Variants in ROBO2 observed in about 807,000 individuals in gnomAD.
The protein encoded by ROBO2 is roundabout guidance receptor 2.
In ROBO2, 53 loss-of-function variants were observed where a neutral mutation model predicts 160.8. That is an observed-to-expected ratio of 0.33 (90% confidence interval 0.26 to 0.41). ROBO2 has a LOEUF of 0.41. Ranked by LOEUF, ROBO2 falls within the 10% of genes least tolerant of loss-of-function variation. The probability of loss-of-function intolerance (pLI) is 1.00; values close to 1 mark genes in which losing one functional copy is unlikely to be tolerated. For missense variants in ROBO2, 1,577 were observed against 1,722.4 expected, an observed-to-expected ratio of 0.92 and a Z score of 1.49; for synonymous variants, 664 against 611.7, an observed-to-expected ratio of 1.09 and a Z score of -1.26.
chr3:77,454,124 T>G (rs557601134), intron 2 of ROBO2, among the ~76,000 whole-genome samples: 4 of 151,970 alleles, frequency 2.6e-5, no homozygotes, highest in African/African-American at 9.6e-5. Context: ...TCTGGGCTTT[T>G]TTTTTTTTTT....
intron 2 of ROBO2, among the ~76,000 whole-genome samples, chr3:76,849,030 A>G (rs9821072): frequency 0.028 from 4,277 of 152,282 alleles, 155 homozygotes; most frequent in East Asian, 0.12. Flanking sequence ...ACATCAAATA[A>G]CATTTTTGCC....
intron 2 of ROBO2, among the ~76,000 whole-genome samples, chr3:76,923,297 A>T (rs1219855498): frequency 1.3e-5 from 2 of 152,224 alleles, no homozygotes; most frequent in Non-Finnish European, 2.9e-5. Flanking sequence ...AACAGAAGAT[A>T]ATGTTCCCTC....
intron 2 of ROBO2, among the ~76,000 whole-genome samples, chr3:76,723,851 A>G (rs1183201953): frequency 6.6e-6 from 1 of 152,188 alleles, no homozygotes; most frequent in Non-Finnish European, 1.5e-5. Context: ...CATCTGGGTT[A>G]AGGGGGCAAA....
intron 2 of ROBO2, among the ~76,000 whole-genome samples, chr3:77,368,178 T>C (rs2071201085): frequency 6.6e-6 from 1 of 152,184 alleles, no homozygotes. Context: ...CTTGATTCTT[T>C]ATGCTTTGTC....
At chr3:76,606,945 T>C (rs968034378) in intron 2 of ROBO2, among the ~76,000 whole-genome samples, 1 of 152,240 alleles carries the variant, frequency 6.6e-6, no homozygotes, top group African/African-American at 2.4e-5. Context: ...TGATTTTACA[T>C]ATGAAGCTAA....
chr3:76,805,288 C>T (rs2064590290), intron 2 of ROBO2, among the ~76,000 whole-genome samples: 1 of 152,000 alleles, frequency 6.6e-6, no homozygotes, highest in Non-Finnish European at 1.5e-5. Context: ...TTTCCAAGTG[C>T]AAGTTCCACT....
At chr3:76,449,948 A>G (rs1266932214) in intron 2 of ROBO2, among the ~76,000 whole-genome samples, 1 of 152,184 alleles carries the variant, frequency 6.6e-6, no homozygotes, top group Non-Finnish European at 1.5e-5. Flanking sequence ...TAAAGAAGCA[A>G]TAAACAGCTT....
chr3:76,178,613 C>A (rs2073313428), intron 2 of ROBO2, among the ~76,000 whole-genome samples: 1 of 152,100 alleles, frequency 6.6e-6, no homozygotes, highest in Non-Finnish European at 1.5e-5. Flanking sequence ...TGTGGCACAG[C>A]CTTCTAAGTA....
At chr3:76,291,159 A>T (rs1447691989) in intron 2 of ROBO2, among the ~76,000 whole-genome samples, 1 of 152,056 alleles carries the variant, frequency 6.6e-6, no homozygotes, top group Non-Finnish European at 1.5e-5. Context: ...CTGGCTGTGA[A>T]TTCATGTAGT....
At chr3:76,213,718 A>C (rs1008280861) in intron 2 of ROBO2, among the ~76,000 whole-genome samples, 3 of 152,188 alleles carry the variant, frequency 2.0e-5, no homozygotes, top group Non-Finnish European at 4.4e-5. Context: ...AAAGTCAAAA[A>C]ACTTTTAGAC....
At chr3:77,386,951 G>A (rs1448014222) in intron 2 of ROBO2, among the ~76,000 whole-genome samples, 8 of 151,948 alleles carry the variant, frequency 5.3e-5, no homozygotes, top group Non-Finnish European at 8.8e-5. Flanking sequence ...GGAAAAGCTT[G>A]AAGGTCAGAG....
At chr3:76,074,294 T>C (rs907325601) in intron 2 of ROBO2, among the ~76,000 whole-genome samples, 4 of 152,198 alleles carry the variant, frequency 2.6e-5, no homozygotes, top group Non-Finnish European at 5.9e-5. Context: ...TAGGAGAAGC[T>C]ACACCCAGTC....
At chr3:76,724,259 G>A (rs1184467882) in intron 2 of ROBO2, among the ~76,000 whole-genome samples, 2 of 152,024 alleles carry the variant, frequency 1.3e-5, no homozygotes, top group Admixed American at 1.3e-4. Flanking sequence ...GACCCCCTTA[G>A]GCCAAGATCA....
chr3:77,564,369 C>T (rs1330832105), intron 11 of ROBO2: 1 of 430,542 alleles, frequency 2.3e-6, no homozygotes, highest in Non-Finnish European at 4.6e-6. Flanking sequence ...TGAGAAATCA[C>T]AATACTGTAT....
At chr3:76,224,238 G>A (rs1460407454) in intron 2 of ROBO2, among the ~76,000 whole-genome samples, 2 of 152,198 alleles carry the variant, frequency 1.3e-5, no homozygotes, top group South Asian at 4.1e-4. Context: ...TATAACATCT[G>A]CAAGGTGGAG....
chr3:76,297,469 C>T (rs1709131389), intron 2 of ROBO2, among the ~76,000 whole-genome samples: 1 of 151,988 alleles, frequency 6.6e-6, no homozygotes, highest in South Asian at 2.1e-4. Flanking sequence ...TGTAGAAATT[C>T]CTCATTGTAT....
rs528472228 is a variant in ROBO2, at chr3:77,448,314, T to C, written c.389-29100T>C. ...TAGCCCAGCTGCCCAGCTATATAGC[T>C]GCCCCAGTGACCACAAACAGCACCA... On this transcript the variant is annotated intron_variant, in intron 2 of 25. Coordinates refer to ENST00000461745, the Ensembl canonical transcript of ROBO2. 2.4e-4 allele frequency among the ~76,000 whole-genome samples: 37 copies of C among 152,242 alleles called. 1 individual carries two copies. The South Asian group carries it at 7.5e-3, about 31-fold the overall frequency.
intron 2 of ROBO2, among the ~76,000 whole-genome samples, chr3:77,298,388 C>T (rs1367511009): frequency 6.6e-6 from 1 of 152,152 alleles, no homozygotes; most frequent in African/African-American, 2.4e-5. Context: ...CCAATCCCAA[C>T]CCCTCATTTA....
At chr3:77,285,536 T>C (rs1442601659) in intron 2 of ROBO2, among the ~76,000 whole-genome samples, 1 of 152,188 alleles carries the variant, frequency 6.6e-6, no homozygotes, top group Admixed American at 6.5e-5. Context: ...CCACCTTGAA[T>C]ACGTGATGTT....
Sources: allele counts gnomAD v4.1 joint callset (sites outside exome capture counted in the v4.1 genomes callset), GRCh38; gene constraint gnomAD v4.1.1; transcripts MANE v1.5; gene names NCBI Gene and HGNC (gene_info 2026-07-23, HGNC 2026-07-21).